FAM135B: variants seen among roughly 807,000 people sequenced by gnomAD.
FAM135B encodes family with sequence similarity 135 member B, also known as protein FAM135B.
FAM135B carries 43 observed loss-of-function variants against 127.7 expected under a neutral mutation model. The ratio of observed to expected loss-of-function variants is 0.34; its 90% CI spans 0.26 to 0.43. The LOEUF (loss-of-function observed/expected upper bound fraction) is 0.43. Ranked by LOEUF, FAM135B falls within the 20% of genes least tolerant of loss-of-function variation. The probability of loss-of-function intolerance (pLI) is 1.00; values close to 1 mark genes in which losing one functional copy is unlikely to be tolerated. For missense variants in FAM135B, 1,558 were observed against 1,725.6 expected (o/e 0.90, Z 1.72); for synonymous variants, 670 against 665.1 (o/e 1.01, Z -0.11).
intron 12 of FAM135B, among the ~76,000 whole-genome samples, chr8:138,154,742 G>GA (rs1818545913): frequency 1.3e-5 from 2 of 152,000 alleles, no homozygotes; most frequent in South Asian, 4.2e-4. Context: ...GAAGTTTAGA[G>GA]AAAAAAAGAG....
intron 4 of FAM135B, among the ~76,000 whole-genome samples, chr8:138,265,450 A>G (rs2130624506): frequency 6.6e-6 from 1 of 152,308 alleles, no homozygotes; most frequent in Admixed American, 6.5e-5. Context: ...TGAGGAGGGA[A>G]GAAGAGACCC....
intron 2 of FAM135B, among the ~76,000 whole-genome samples, chr8:138,339,358 A>ATATATATATATATATATAT (rs1554669016): frequency 6.8e-6 from 1 of 147,714 alleles, no homozygotes; most frequent in African/African-American, 2.6e-5. Flanking sequence ...AAACTAACTA[A>ATATATATATATATATATAT]ATATATATAT....
At chr8:138,343,412 G>A (rs1399661359) in intron 2 of FAM135B, among the ~76,000 whole-genome samples, 1 of 152,180 alleles carries the variant, frequency 6.6e-6, no homozygotes. Context: ...ACCACAGGTG[G>A]ATCTTAAAAG....
At chr8:138,456,626 A>T (rs1836794959) in intron 1 of FAM135B, among the ~76,000 whole-genome samples, 1 of 152,104 alleles carries the variant, frequency 6.6e-6, no homozygotes. Context: ...CCTAGGTAAC[A>T]ATTATGCCTC....
At chr8:138,360,071 A>G (rs1222189933) in intron 2 of FAM135B, among the ~76,000 whole-genome samples, 1 of 152,176 alleles carries the variant, frequency 6.6e-6, no homozygotes, top group African/African-American at 2.4e-5. Flanking sequence ...AAATCTCCTA[A>G]ATGATATGTA....
intron 15 of FAM135B, chr8:138,144,420 C>T (rs761225007): frequency 6.6e-6 from 1 of 152,112 alleles, no homozygotes; most frequent in Admixed American, 6.5e-5. Flanking sequence ...CAAAAACAAA[C>T]AAAAATAGGT....
Position 138,151,842 on chromosome 8 carries a change from A to C in FAM135B, c.2633T>G (p.Leu878Arg). Residue 878 changes from leucine to arginine, a missense_variant, in exon 13 of 20, where the codon CTT becomes CGT. This residue lies in a region of FAM135B where 923 missense variants were observed against 865.3 expected (regional missense o/e 1.07). Coordinates refer to ENST00000395297, the MANE Select transcript of FAM135B (RefSeq NM_015912.4). ...ENTPGVETKG[L>R]NLKIPRVIAL... is the part of the protein sequence containing the mutation. ...TATGACGCGTGGTATTTTTAAATTAAGACCTTTGGTTTCAACACCTGGAGT... is the reference window on the plus strand; with the variant it reads ...TATGACGCGTGGTATTTTTAAATTACGACCTTTGGTTTCAACACCTGGAGT... 1 of 1,614,176 alleles carries C rather than the reference A, an allele frequency of 6.2e-7. No individual in the cohort carries two copies. Among genetic ancestry groups the C allele is most frequent in the Non-Finnish European group, 8.5e-7 (1 of 1,180,034 alleles).
At chr8:138,439,799 T>C (rs143428208) in intron 1 of FAM135B, 2 of 152,320 alleles carry the variant, frequency 1.3e-5, no homozygotes, top group Non-Finnish European at 2.9e-5. Context: ...TGTCCAATGT[T>C]GAAATGTGAG....
chr8:138,265,325 G>T (rs144056290), intron 4 of FAM135B, among the ~76,000 whole-genome samples: 1 of 151,960 alleles, frequency 6.6e-6, no homozygotes, highest in Non-Finnish European at 1.5e-5. Flanking sequence ...TGCCTTCTCC[G>T]GTTCTGTCCC....
rs959797380 is a variant in FAM135B, at chr8:138,132,829, G to A, written c.4016-31C>T. ...AAGTGGGGAAGAAGGACATGAAGCT[G>A]GTGCAGAAATTAGCAGTGGAATCTA... On this transcript the variant is annotated intron_variant, in intron 19 of 19. Transcript: ENST00000395297. The surrounding 1 kb of genome is among the most constrained non-coding windows in gnomAD (Gnocchi z 4.5). 1 of 1,599,658 alleles carries A rather than the reference G, an allele frequency of 6.3e-7. No individual in the cohort carries two copies. Among genetic ancestry groups the A allele is most frequent in the African/African-American group, 1.3e-5 (1 of 74,584 alleles).
intron 1 of FAM135B, among the ~76,000 whole-genome samples, chr8:138,442,742 C>A (rs556918339): frequency 6.6e-6 from 1 of 152,122 alleles, no homozygotes; most frequent in South Asian, 2.1e-4. Flanking sequence ...GTAATGAATT[C>A]CAAGCAAACC....
intron 4 of FAM135B, among the ~76,000 whole-genome samples, chr8:138,258,888 A>G (rs1468157049): frequency 6.6e-6 from 1 of 151,834 alleles, no homozygotes; most frequent in African/African-American, 2.4e-5. Flanking sequence ...TAGAGTCATC[A>G]TCTCCTTTCA....
At chr8:138,381,973 T>C (rs912000591) in intron 1 of FAM135B, among the ~76,000 whole-genome samples, 5 of 152,062 alleles carry the variant, frequency 3.3e-5, no homozygotes, top group African/African-American at 1.2e-4. Context: ...GAACGCAAGA[T>C]GCAAGGCTCC....
intron 1 of FAM135B, among the ~76,000 whole-genome samples, chr8:138,398,209 G>C (rs1424432219): frequency 6.6e-6 from 1 of 152,154 alleles, no homozygotes; most frequent in Non-Finnish European, 1.5e-5. Flanking sequence ...AGGAGTTATG[G>C]CACCATGCGT....
intron 1 of FAM135B, among the ~76,000 whole-genome samples, chr8:138,378,162 G>C (rs1023863983): frequency 1.3e-5 from 2 of 152,170 alleles, no homozygotes; most frequent in Non-Finnish European, 2.9e-5. Context: ...CTGAGCCATC[G>C]ACCTGGGCCA....
intron 1 of FAM135B, among the ~76,000 whole-genome samples, chr8:138,388,782 GCAGTGAAAGTACT>G (rs2131316210): frequency 6.6e-6 from 1 of 152,236 alleles, no homozygotes; most frequent in East Asian, 1.9e-4. Context: ...GATTCTTAGG[GCAGTGAAAGTACT>G]CAGTAGGACA....
intron 7 of FAM135B, among the ~76,000 whole-genome samples, chr8:138,219,466 T>C (rs948104402): frequency 2.0e-5 from 3 of 152,138 alleles, no homozygotes; most frequent in South Asian, 4.1e-4. Context: ...TACCAATAAA[T>C]GCCCAGAACC....
At chr8:138,182,616 A>G (rs1421807651) in intron 9 of FAM135B, among the ~76,000 whole-genome samples, 2 of 152,234 alleles carry the variant, frequency 1.3e-5, no homozygotes, top group Non-Finnish European at 2.9e-5. Flanking sequence ...ATTTAATTAG[A>G]TAATTATAAT....
intron 7 of FAM135B, among the ~76,000 whole-genome samples, chr8:138,240,402 C>T (rs568971453): frequency 5.9e-5 from 9 of 152,326 alleles, no homozygotes; most frequent in African/African-American, 9.6e-5. Flanking sequence ...GGCACACACA[C>T]GTCAGCAGAG....
Sources: gnomAD v4.1 joint callset for allele counts (sites outside exome capture counted in the v4.1 genomes callset) on GRCh38, gnomAD v4.1.1 for gene constraint, gnomAD v4.1.1 regional missense constraint, Gnocchi (gnomAD v3.1) non-coding constraint, MANE v1.5 for transcripts, NCBI Gene and HGNC (gene_info 2026-07-23, HGNC 2026-07-21) for gene names.